Variants in PFKFB3 observed in about 807,000 individuals in gnomAD.
PFKFB3 encodes the protein 6-phosphofructo-2-kinase/fructose-2,6-bisphosphatase 3.
A neutral mutation model predicts 68.0 loss-of-function variants in PFKFB3; 33 were observed. The ratio of observed to expected loss-of-function variants is 0.49; its 90% CI spans 0.37 to 0.65. PFKFB3 has a LOEUF of 0.65. Among genes scored for constraint, PFKFB3 ranks in the 30% least tolerant of loss-of-function variants. PFKFB3 has a pLI of 0.00. For synonymous variants in PFKFB3, 315 were observed against 288.2 expected, an observed-to-expected ratio of 1.09 and a Z score of -0.94; for missense variants, 586 against 712.2, an observed-to-expected ratio of 0.82 and a Z score of 2.02.
the PFKFB3 span, among the ~76,000 whole-genome samples, chr10:6,262,742 T>G: frequency 3.3e-5 from 5 of 152,066 alleles, no homozygotes; most frequent in African/African-American, 1.2e-4. Flanking sequence ...ACAGAGAGAA[T>G]AGCTTCAGAA....
intron 1 of PFKFB3, among the ~76,000 whole-genome samples, chr10:6,189,388 T>C (rs565734974): frequency 2.2e-4 from 33 of 152,286 alleles, no homozygotes; most frequent in African/African-American, 7.2e-4. Context: ...TTTTTTAGAA[T>C]ATTTAGAACT....
intron 14 of PFKFB3, among the ~76,000 whole-genome samples, chr10:6,243,921 C>T (rs1405361065): frequency 6.6e-6 from 1 of 152,114 alleles, no homozygotes; most frequent in East Asian, 1.9e-4. Context: ...GATAGGGCCT[C>T]ACTATGTTGC....
chr10:6,222,404 T>C (rs954738513), intron 10 of PFKFB3, among the ~76,000 whole-genome samples: 1 of 152,244 alleles, frequency 6.6e-6, no homozygotes, highest in Admixed American at 6.5e-5. Context: ...TATGATTTAG[T>C]GCATGTTAGT....
At chr10:6,194,398 G>C (rs902095061) in intron 1 of PFKFB3, among the ~76,000 whole-genome samples, 2 of 152,246 alleles carry the variant, frequency 1.3e-5, no homozygotes, top group Admixed American at 6.5e-5. Context: ...TGAAAACTAT[G>C]TTTCCGCTGC....
the PFKFB3 span, among the ~76,000 whole-genome samples, chr10:6,288,298 A>G: frequency 1.4e-5 from 2 of 147,292 alleles, no homozygotes; most frequent in Admixed American, 6.8e-5. Flanking sequence ...GGTGTGCTGC[A>G]TCCATTAACT....
chr10:6,156,274 A>G (rs922268717), intron 1 of PFKFB3, among the ~76,000 whole-genome samples: 2 of 150,834 alleles, frequency 1.3e-5, no homozygotes, highest in East Asian at 3.9e-4. Flanking sequence ...TTGCTTCAGC[A>G]TCCTGAGTAG....
intron 1 of PFKFB3, among the ~76,000 whole-genome samples, chr10:6,179,967 G>A (rs919230714): frequency 1.3e-5 from 2 of 152,120 alleles, no homozygotes; most frequent in Non-Finnish European, 2.9e-5. Flanking sequence ...GTCGATCCTG[G>A]TGACAGGATC....
In PFKFB3 at chr10:6,216,111, C is replaced by G. The variant is rs1844563250; in HGVS notation, c.300-14C>G. 1 of 1,613,420 alleles carries G rather than the reference C, an allele frequency of 6.2e-7. No homozygotes were observed. Among genetic ancestry groups the G allele is most frequent in the Non-Finnish European group, 8.5e-7 (1 of 1,179,388 alleles). On this transcript the variant is annotated splice_polypyrimidine_tract_variant and intron_variant, in intron 3 of 14. Transcript: ENST00000379775. ...ACCGGCGCTGACATTCGGGCAATGT[C>G]TTGTGCATTCCAGGCAATGTGCCTT...
chr10:6,282,554 A>G, the PFKFB3 span, among the ~76,000 whole-genome samples: 1 of 152,194 alleles, frequency 6.6e-6, no homozygotes, highest in Non-Finnish European at 1.5e-5. Flanking sequence ...CTACCATCCA[A>G]TGGGCCAGGC....
chr10:6,190,918 A>G (rs1014230116), intron 1 of PFKFB3, among the ~76,000 whole-genome samples: 51 of 152,192 alleles, frequency 3.4e-4, no homozygotes, highest in African/African-American at 1.2e-3. Context: ...AGCTGGGATT[A>G]TAGGCGTCTG....
At chr10:6,151,351 C>T (rs1308012204) in intron 1 of PFKFB3, among the ~76,000 whole-genome samples, 1 of 149,946 alleles carries the variant, frequency 6.7e-6, no homozygotes, top group Non-Finnish European at 1.5e-5. Context: ...GGTGCTCTGA[C>T]ATGACAGTTC....
At chr10:6,206,819 ACGCTCCTCACTTCCCAGACGGGG>A (rs1843770608) in intron 1 of PFKFB3, among the ~76,000 whole-genome samples, 1 of 45,398 alleles carries the variant, frequency 2.2e-5, no homozygotes, top group Non-Finnish European at 4.3e-5. Flanking sequence ...CCGGGCAGAG[ACGCTCCTCACTTCCCAGACGGGG>A]TGGCGGCCGG....
intron 1 of PFKFB3, among the ~76,000 whole-genome samples, chr10:6,187,693 G>A (rs1333013342): frequency 6.6e-6 from 1 of 152,102 alleles, no homozygotes; most frequent in Non-Finnish European, 1.5e-5. Context: ...AGCTGCCATG[G>A]GTTTAAAAAA....
At chr10:6,311,213 T>C in the PFKFB3 span, among the ~76,000 whole-genome samples, 1 of 152,174 alleles carries the variant, frequency 6.6e-6, no homozygotes. Flanking sequence ...CAGCCCTTTC[T>C]CAGATAGGAA....
At chr10:6,194,354 A>G (rs771793061) in intron 1 of PFKFB3, among the ~76,000 whole-genome samples, 6 of 152,264 alleles carry the variant, frequency 3.9e-5, no homozygotes, top group Non-Finnish European at 8.8e-5. Context: ...ACATCACAAG[A>G]TGAACTCACT....
At chr10:6,243,206 G>C (rs188104593) in intron 14 of PFKFB3, among the ~76,000 whole-genome samples, 46 of 152,236 alleles carry the variant, frequency 3.0e-4, no homozygotes, top group African/African-American at 1.1e-3. Context: ...CGTTTCATTA[G>C]AGAAAAAAAG....
intron 1 of PFKFB3, among the ~76,000 whole-genome samples, chr10:6,163,650 T>C (rs1225369939): frequency 6.6e-6 from 1 of 151,824 alleles, no homozygotes. Context: ...GCCAGCTGGG[T>C]CCCGGGCCCC....
At chr10:6,183,624 T>A (rs1440590365) in intron 1 of PFKFB3, among the ~76,000 whole-genome samples, 10 of 146,656 alleles carry the variant, frequency 6.8e-5, no homozygotes, top group African/African-American at 2.5e-4. Flanking sequence ...AATATATATA[T>A]ATATATATGT....
chr10:6,224,219 T>C lies in PFKFB3; in HGVS notation c.1341+6T>C. The C allele has an allele frequency of 6.2e-7, 1 of 1,613,292 alleles. No individual in the cohort carries two copies. The highest frequency in any genetic ancestry group is 8.5e-7 in the Non-Finnish European group (1 of 1,179,696). ...CACACCGGGAGAGGTCAGAGGTGAG[T>C]GGAGGCCCCAAGCCTCATCCTGGCC... On this transcript the variant is annotated splice_donor_region_variant and intron_variant, in intron 13 of 14. Coordinates refer to ENST00000379775, the MANE Select transcript of PFKFB3 (RefSeq NM_004566.4).
Sources: allele counts gnomAD v4.1 joint callset (sites outside exome capture counted in the v4.1 genomes callset), GRCh38; gene constraint gnomAD v4.1.1; transcripts MANE v1.5; gene names NCBI Gene and HGNC (gene_info 2026-07-23, HGNC 2026-07-21).